COL5A1: variants seen among roughly 807,000 people sequenced by gnomAD.
The protein encoded by COL5A1 is collagen type V alpha 1 chain.
COL5A1 carries 16 observed loss-of-function variants against 263.7 expected under a neutral mutation model. The ratio of observed to expected loss-of-function variants is 0.06; its 90% CI spans 0.04 to 0.09. The LOEUF is 0.09. Ranked by LOEUF, COL5A1 falls within the 10% of genes least tolerant of loss-of-function variation. The pLI is 1.00. For missense variants in COL5A1, 2,036 were observed against 2,540.5 expected, an observed-to-expected ratio of 0.80 and a Z score of 4.27; for synonymous variants, 1,012 against 1,004.5, an observed-to-expected ratio of 1.01 and a Z score of -0.14.
chr9:134,715,913 G>A (rs1834243205), intron 4 of COL5A1, among the ~76,000 whole-genome samples: 2 of 152,180 alleles, frequency 1.3e-5, no homozygotes, highest in Admixed American at 6.5e-5. Flanking sequence ...TGAAGGTGGT[G>A]ATGGAGGTGA....
At chr9:134,823,599 T>G in intron 61 of COL5A1, 130 bp downstream of exon 61, 1 of 942,878 alleles carries the variant, frequency 1.1e-6, no homozygotes, top group Non-Finnish European at 1.6e-6. Context: ...CCGGGCCTTG[T>G]CCCTCGCACG....
chr9:134,675,449 C>A (rs1353917347), intron 1 of COL5A1, among the ~76,000 whole-genome samples: 1 of 152,068 alleles, frequency 6.6e-6, no homozygotes, highest in Non-Finnish European at 1.5e-5. Context: ...TTATTTGTTC[C>A]CCCCTTTTTC....
intron 57 of COL5A1, among the ~76,000 whole-genome samples, chr9:134,819,587 C>T (rs1435266708): frequency 6.6e-6 from 1 of 152,232 alleles, no homozygotes. Flanking sequence ...CTGCCCCCAG[C>T]CCCAAGGCAA....
chr9:134,657,568 G>T (rs1415263040), intron 1 of COL5A1, among the ~76,000 whole-genome samples: 1 of 114,586 alleles, frequency 8.7e-6, no homozygotes, highest in African/African-American at 3.5e-5. Flanking sequence ...GGGTGGTGTA[G>T]GGGGTGTAGT....
intron 4 of COL5A1, chr9:134,708,698 C>T (rs550545951): frequency 1.9e-6 from 1 of 516,842 alleles, no homozygotes. Flanking sequence ...CCTCCTCTTG[C>T]CCCTGGAAGG....
intron 32 of COL5A1, among the ~76,000 whole-genome samples, chr9:134,790,605 C>CCCATCCATCCATCCAT (rs58733002): frequency 1.4e-4 from 12 of 84,546 alleles, no homozygotes; most frequent in Non-Finnish European, 2.0e-4. Context: ...CATCCACCCA[C>CCCATCCATCCATCCAT]CCATCCATCC....
At chr9:134,674,535 G>C (rs1489925761) in intron 1 of COL5A1, among the ~76,000 whole-genome samples, 1 of 152,142 alleles carries the variant, frequency 6.6e-6, no homozygotes, top group Non-Finnish European at 1.5e-5. Flanking sequence ...TGTTGGATGA[G>C]GGTGTGGAGG....
chr9:134,830,810 A>G (rs777595994), intron 64 of COL5A1, among the ~76,000 whole-genome samples: 4 of 152,230 alleles, frequency 2.6e-5, no homozygotes, highest in Non-Finnish European at 5.9e-5. Context: ...TGTAGTGCCC[A>G]AGAGCCAGTT....
Position 134,789,459 on chromosome 9 carries a change from C to T in COL5A1, c.2700+251C>T, listed in dbSNP as rs1837594725. ...AAGTGTGCTGAGAAAATGGAGCTTT[C>T]TAATTAGCACCACAATCCAGAAGGC... On this transcript the variant is annotated intron_variant, in intron 32 of 65. Transcript: ENST00000371817. This position sits in a 1 kb window ranked among gnomAD's most constrained non-coding sequence, Gnocchi z 4.8. Among the ~76,000 whole-genome samples, 2 of 152,154 alleles carry T rather than the reference C, an allele frequency of 1.3e-5. No individual in the cohort carries two copies. The highest frequency in any genetic ancestry group is 2.9e-5 in the Non-Finnish European group (2 of 68,032).
Position 134,758,197 on chromosome 9 carries a change from C to T in COL5A1, c.1882-46C>T, listed in dbSNP as rs770212377. 41 of 1,607,938 alleles carry T rather than the reference C, an allele frequency of 2.5e-5. No homozygotes were observed. The highest frequency in any genetic ancestry group is 1.5e-4 in the African/African-American group (11 of 74,766). ...GGTGGACACCAAGGCGGGGTGTCCACGTGTGCAGGGTGGCGTCTGAGGCAG... is the reference window on the plus strand; with the variant it reads ...GGTGGACACCAAGGCGGGGTGTCCATGTGTGCAGGGTGGCGTCTGAGGCAG... On this transcript the variant is annotated intron_variant, in intron 17 of 65. Coordinates refer to ENST00000371817, the MANE Select transcript of COL5A1 (RefSeq NM_000093.5). The surrounding 1 kb of genome is among the most constrained non-coding windows in gnomAD (Gnocchi z 4.1).
chr9:134,763,637 C>A, intron 19 of COL5A1, 56 bp from the exon 20 acceptor site: 1 of 1,561,284 alleles, frequency 6.4e-7, no homozygotes, highest in Non-Finnish European at 8.8e-7. Flanking sequence ...TGAGGGGAAG[C>A]TGGTGTCCAG....
chr9:134,766,425 C>T, intron 21 of COL5A1, 29 bp from the exon 22 acceptor site: 1 of 1,612,698 alleles, frequency 6.2e-7, no homozygotes, highest in Non-Finnish European at 8.5e-7. Context: ...CATTCAGTTA[C>T]ATGTTTTTCT....
rs1060504530 is a variant in COL5A1, at chr9:134,842,300, C to T, written c.5514C>T (p.Gly1838=). 1 of 1,614,116 alleles carries T rather than the reference C, an allele frequency of 6.2e-7. No homozygotes were observed. Among genetic ancestry groups the T allele is most frequent in the East Asian group, 2.2e-5 (1 of 44,872 alleles). ...AAGTGGGGCCGGCTTGCTTCATGGGCTAGGAGCCGCCGAGCCCGGGCTCCC... is the reference window on the plus strand; with the variant it reads ...AAGTGGGGCCGGCTTGCTTCATGGGTTAGGAGCCGCCGAGCCCGGGCTCCC... The part of the protein sequence containing the change: ...GFEVGPACFM[G] The change falls in exon 66 of 66, where the codon GGC becomes GGT. Residue 1838 remains glycine, a synonymous_variant. Transcript: ENST00000371817. This position sits in a 1 kb window ranked among gnomAD's most constrained non-coding sequence, Gnocchi z 5.8.
chr9:134,784,515 T>C (rs1184513636), intron 29 of COL5A1, among the ~76,000 whole-genome samples: 1 of 152,238 alleles, frequency 6.6e-6, no homozygotes, highest in Non-Finnish European at 1.5e-5. Context: ...CCTGAGGCCC[T>C]CCCGTGTGCT....
chr9:134,642,152 A>C lies in COL5A1; in HGVS notation c.-36A>C. ...CCCTGTGCGTCCCCGCGCGCCTCCGAGCGCCCCTGTGCGCCCCGGCCCGCG... is the reference window on the plus strand; with the variant it reads ...CCCTGTGCGTCCCCGCGCGCCTCCGCGCGCCCCTGTGCGCCCCGGCCCGCG... On this transcript the variant is annotated 5_prime_UTR_variant, in exon 1 of 66. Coordinates refer to ENST00000371817, the MANE Select transcript of COL5A1 (RefSeq NM_000093.5). This position sits in a 1 kb window ranked among gnomAD's most constrained non-coding sequence, Gnocchi z 4.5. 8.1e-7 allele frequency: 1 copy of C among 1,238,706 alleles called. No individual in the cohort carries two copies. Among genetic ancestry groups the C allele is most frequent in the Non-Finnish European group, 1.0e-6 (1 of 995,620 alleles). The allele number at this position is 1,238,706 out of a possible 1,614,324, so 76.7% of individuals were successfully genotyped here. A position where few individuals can be genotyped will look rare whatever the true frequency, so the allele number is the denominator to read the frequency against.
chr9:134,703,315 G>C (rs1296061834), intron 4 of COL5A1, among the ~76,000 whole-genome samples: 1 of 152,224 alleles, frequency 6.6e-6, no homozygotes, highest in African/African-American at 2.4e-5. Context: ...CACAGGAGCC[G>C]TCCTCAGCCA....
rs1308845636 is a variant in COL5A1 at position 134,758,491 on chromosome 9, C to G, written c.1935+195C>G. Among the ~76,000 whole-genome samples the G allele has an allele frequency of 2.6e-5, 4 of 152,094 alleles. No individual in the cohort carries two copies. The highest frequency in any genetic ancestry group is 5.9e-5 in the Non-Finnish European group (4 of 68,002). ...GATGATGTCTTTGTTGATGGGTGGC[C>G]AGCCCAAAGGAATTGGAGCTCTTAT... On this transcript the variant is annotated intron_variant, in intron 18 of 65. Coordinates refer to ENST00000371817, the MANE Select transcript of COL5A1 (RefSeq NM_000093.5). This position sits in a 1 kb window ranked among gnomAD's most constrained non-coding sequence, Gnocchi z 4.1.
intron 65 of COL5A1, among the ~76,000 whole-genome samples, chr9:134,838,118 G>A (rs181030113): frequency 6.6e-6 from 1 of 152,198 alleles, no homozygotes; most frequent in Non-Finnish European, 1.5e-5. Context: ...CGTCAGCCAT[G>A]CAGAGGGAAC....
intron 64 of COL5A1, among the ~76,000 whole-genome samples, chr9:134,831,300 C>T (rs1839612657): frequency 2.0e-5 from 3 of 152,210 alleles, no homozygotes; most frequent in Admixed American, 2.0e-4. Context: ...AAATCATATA[C>T]CAGCTCCTTT....
Sources: gnomAD v4.1 joint callset for allele counts (sites outside exome capture counted in the v4.1 genomes callset) on GRCh38, gnomAD v4.1.1 for gene constraint, Gnocchi (gnomAD v3.1) non-coding constraint, MANE v1.5 for transcripts, NCBI Gene and HGNC (gene_info 2026-07-23, HGNC 2026-07-21) for gene names.